The following ADGRB3 variants were observed in gnomAD, a reference collection of about 807,000 sequenced individuals.
The protein encoded by ADGRB3 is adhesion G protein-coupled receptor B3.
ADGRB3 carries 37 observed loss-of-function variants against 193.4 expected under a neutral mutation model. That is an observed-to-expected ratio of 0.19 (90% CI 0.15 to 0.25). The LOEUF (loss-of-function observed/expected upper bound fraction) is 0.25. Ranked by LOEUF, ADGRB3 falls within the 10% of genes least tolerant of loss-of-function variation. The pLI, the probability that ADGRB3 is intolerant of heterozygous loss-of-function variation, is 1.00. For missense variants in ADGRB3, 1,637 were observed against 1,852.9 expected (o/e 0.88, Z 2.14); for synonymous variants, 690 against 644.2 (o/e 1.07, Z -1.08).
At chr6:68,722,092 T>C (rs1273821787) in intron 3 of ADGRB3, among the ~76,000 whole-genome samples, 1 of 151,770 alleles carries the variant, frequency 6.6e-6, no homozygotes. Context: ...TCCTACTAAA[T>C]CATTAAAAAT....
At chr6:69,347,201 C>T (rs528699483) in intron 26 of ADGRB3, among the ~76,000 whole-genome samples, 1 of 152,114 alleles carries the variant, frequency 6.6e-6, no homozygotes, top group Non-Finnish European at 1.5e-5. Context: ...ACACCAGGGC[C>T]TGTCGGGAGG....
At chr6:69,033,455 AT>A (rs1463926861) in intron 13 of ADGRB3, among the ~76,000 whole-genome samples, 3 of 152,198 alleles carry the variant, frequency 2.0e-5, no homozygotes, top group Non-Finnish European at 2.9e-5. Flanking sequence ...ATTCTCTGAA[AT>A]TTATAAATGA....
At chr6:68,956,960 G>A in intron 8 of ADGRB3, 151 bp downstream of exon 8, 1 of 829,102 alleles carries the variant, frequency 1.2e-6, no homozygotes, top group Non-Finnish European at 1.8e-6. Flanking sequence ...TACTATGTGG[G>A]GCATCCCCTG....
chr6:68,965,797 AAG>A (rs1459658457), intron 8 of ADGRB3, among the ~76,000 whole-genome samples: 6 of 152,188 alleles, frequency 3.9e-5, no homozygotes, highest in Admixed American at 3.3e-4. Context: ...AAGGCATACA[AAG>A]AGAGAATCCT....
chr6:69,027,252 T>C (rs932583332), intron 13 of ADGRB3, among the ~76,000 whole-genome samples: 2 of 152,004 alleles, frequency 1.3e-5, no homozygotes, highest in Admixed American at 1.3e-4. Context: ...AGACATGAAT[T>C]CACACATTAG....
At chr6:69,095,959 A>T (rs1234143276) in intron 17 of ADGRB3, among the ~76,000 whole-genome samples, 1 of 152,230 alleles carries the variant, frequency 6.6e-6, no homozygotes. Flanking sequence ...GATATAAATA[A>T]TGAGCAATAA....
At chr6:69,027,384 A>G (rs893414053) in intron 13 of ADGRB3, among the ~76,000 whole-genome samples, 7 of 151,888 alleles carry the variant, frequency 4.6e-5, no homozygotes, top group Admixed American at 3.3e-4. Flanking sequence ...TGATAACACT[A>G]TTTTCTTCCA....
intron 3 of ADGRB3, among the ~76,000 whole-genome samples, chr6:68,691,647 T>G (rs1765074844): frequency 6.6e-6 from 1 of 151,992 alleles, no homozygotes. Flanking sequence ...ATATATTATT[T>G]AATTCACATT....
chr6:68,833,943 ACT>A (rs1768000857), intron 3 of ADGRB3, among the ~76,000 whole-genome samples: 1 of 144,002 alleles, frequency 6.9e-6, no homozygotes, highest in Admixed American at 6.9e-5. Context: ...TAAAGTGTAA[ACT>A]CTATACAGGA....
chr6:68,709,580 A>G (rs868300765), intron 3 of ADGRB3, among the ~76,000 whole-genome samples: 1 of 152,186 alleles, frequency 6.6e-6, no homozygotes, highest in Admixed American at 6.5e-5. Context: ...CTGTGCCTCA[A>G]CATTTCAGCT....
At chr6:69,094,587 C>G (rs139188173) in intron 17 of ADGRB3, among the ~76,000 whole-genome samples, 1 of 152,076 alleles carries the variant, frequency 6.6e-6, no homozygotes, top group African/African-American at 2.4e-5. Flanking sequence ...TATGTCATAC[C>G]GTGTTTACAA....
chr6:69,076,912 G>A (rs1212174120), intron 17 of ADGRB3, among the ~76,000 whole-genome samples: 1 of 151,978 alleles, frequency 6.6e-6, no homozygotes, highest in Non-Finnish European at 1.5e-5. Flanking sequence ...ATCTACATCT[G>A]AGGTTTTGTG....
chr6:68,719,080 A>G (rs980377066), intron 3 of ADGRB3, among the ~76,000 whole-genome samples: 1 of 151,832 alleles, frequency 6.6e-6, no homozygotes, highest in Admixed American at 6.6e-5. Context: ...TGGTACTCTT[A>G]TAAGTTATAT....
chr6:68,903,921 C>G (rs760581069), intron 3 of ADGRB3, among the ~76,000 whole-genome samples: 1 of 149,928 alleles, frequency 6.7e-6, no homozygotes, highest in Non-Finnish European at 1.5e-5. Flanking sequence ...TTACTTGAGC[C>G]CAGGAGGTTT....
At chr6:68,807,727 A>C (rs1445583572) in intron 3 of ADGRB3, among the ~76,000 whole-genome samples, 1 of 152,140 alleles carries the variant, frequency 6.6e-6, no homozygotes, top group South Asian at 2.1e-4. Context: ...CATATATTAT[A>C]CTTAAGTGAG....
intron 21 of ADGRB3, among the ~76,000 whole-genome samples, chr6:69,325,620 T>C (rs1244321135): frequency 2.0e-5 from 3 of 152,302 alleles, no homozygotes; most frequent in East Asian, 1.9e-4. Flanking sequence ...CAAAGATCTA[T>C]ATTATAGGGC....
intron 17 of ADGRB3, among the ~76,000 whole-genome samples, chr6:69,114,958 A>G (rs1561923279): frequency 6.6e-6 from 1 of 152,222 alleles, no homozygotes; most frequent in Non-Finnish European, 1.5e-5. Flanking sequence ...GATGCTGGAG[A>G]GGATGTGGAG....
At chr6:69,046,188 T>C (rs553694018) in intron 13 of ADGRB3, among the ~76,000 whole-genome samples, 2 of 152,294 alleles carry the variant, frequency 1.3e-5, no homozygotes, top group Non-Finnish European at 2.9e-5. Context: ...ATAATGTATC[T>C]TTTATTCTCT....
chr6:68,965,623 T>C (rs1582354776), intron 8 of ADGRB3, among the ~76,000 whole-genome samples: 1 of 152,154 alleles, frequency 6.6e-6, no homozygotes, highest in Non-Finnish European at 1.5e-5. Context: ...GATTAACAGC[T>C]AATCACTAGG....
Sources: gnomAD v4.1 joint callset for allele counts (sites outside exome capture counted in the v4.1 genomes callset) on GRCh38, gnomAD v4.1.1 for gene constraint, MANE v1.5 for transcripts, NCBI Gene and HGNC (gene_info 2026-07-23, HGNC 2026-07-21) for gene names.